The following TMEM181 variants were observed in gnomAD, a reference collection of about 807,000 sequenced individuals.
TMEM181 encodes the protein transmembrane protein 181, also known as G protein-coupled receptor 178.
TMEM181 carries 39 observed loss-of-function variants against 71.9 expected under a neutral mutation model. The ratio of observed to expected loss-of-function variants is 0.54; its 90% CI spans 0.42 to 0.71. The LOEUF is 0.71. Ranked by LOEUF, TMEM181 falls within the 30% of genes least tolerant of loss-of-function variation. The pLI is 0.00. For synonymous variants in TMEM181, 245 were observed against 228.8 expected (o/e 1.07, Z -0.64); for missense variants, 595 against 583.0 (o/e 1.02, Z -0.21).
chr6:158,597,229 C>T (rs1447998042), intron 6 of TMEM181, among the ~76,000 whole-genome samples: 2 of 152,202 alleles, frequency 1.3e-5, no homozygotes, highest in Non-Finnish European at 2.9e-5. Flanking sequence ...TCATTTGTTT[C>T]TACTTAAATG....
chr6:158,601,989 G>C (rs1292825733), intron 6 of TMEM181, among the ~76,000 whole-genome samples: 2 of 152,040 alleles, frequency 1.3e-5, no homozygotes, highest in East Asian at 3.8e-4. Flanking sequence ...AGGTATAGTT[G>C]ACACACAGTG....
In TMEM181 at chr6:158,632,007, T is replaced by C. The variant is rs1329900583; in HGVS notation, c.*119T>C. On this transcript the variant is annotated 3_prime_UTR_variant, in exon 17 of 17. Transcript: ENST00000684151. Reference sequence around the variant, plus strand: ...CAAGCAGAGATTTCCTGTTCATTTGTTTACATATTTTTTTAAAGGAAAACC... The same window carrying C: ...CAAGCAGAGATTTCCTGTTCATTTGCTTACATATTTTTTTAAAGGAAAACC... 4 of 1,037,756 alleles carry C rather than the reference T, an allele frequency of 3.9e-6. No individual in the cohort carries two copies. Among genetic ancestry groups the C allele is most frequent in the Non-Finnish European group, 5.5e-6 (4 of 721,538 alleles). 64.3% of individuals were successfully genotyped at this position (1,037,756 alleles called of 1,614,324 possible). A position where few individuals can be genotyped will look rare whatever the true frequency, so the allele number is the denominator to read the frequency against.
intron 6 of TMEM181, 143 bp downstream of exon 6, chr6:158,589,925 A>G: frequency 1.6e-6 from 1 of 636,850 alleles, no homozygotes; most frequent in African/African-American, 1.8e-5. Context: ...AATTATAGGA[A>G]AACTACAGTT....
chr6:158,579,083 A>G (rs1013674783), intron 2 of TMEM181, among the ~76,000 whole-genome samples: 1 of 151,868 alleles, frequency 6.6e-6, no homozygotes, highest in African/African-American at 2.4e-5. Flanking sequence ...ACATGGTGAA[A>G]CCCCGTCTCT....
At chr6:158,572,431 AAG>A (rs1320181059) in intron 1 of TMEM181, 29 of 456,714 alleles carry the variant, frequency 6.3e-5, no homozygotes, top group Non-Finnish European at 1.0e-4. Context: ...GAGAACACAG[AAG>A]AGAGAGCAAA....
intron 4 of TMEM181, among the ~76,000 whole-genome samples, chr6:158,585,065 A>G (rs573662879): frequency 2.6e-4 from 39 of 152,316 alleles, no homozygotes; most frequent in Non-Finnish European, 5.3e-4. Flanking sequence ...TGTGAAGTGA[A>G]ACTGATGGGT....
intron 1 of TMEM181, among the ~76,000 whole-genome samples, chr6:158,561,052 A>AG (rs1434207800): frequency 2.0e-5 from 3 of 152,088 alleles, no homozygotes; most frequent in Non-Finnish European, 4.4e-5. Context: ...CTGGCGCAGG[A>AG]GGCTTCCAGG....
chr6:158,633,831 T>A lies in TMEM181; in HGVS notation c.*1943T>A, dbSNP rs975273747. 3 of 151,410 alleles carry A rather than the reference T, an allele frequency of 2.0e-5. No homozygotes were observed. Among genetic ancestry groups the A allele is most frequent in the Non-Finnish European group, 4.4e-5 (3 of 68,010 alleles). 9.4% of individuals were successfully genotyped at this position (151,410 alleles called of 1,614,324 possible). ...TTTTTATTCTGTGTATTGAAAAAAA[T>A]TTTCTGTTACCAAATTTTACAACTT... On this transcript the variant is annotated 3_prime_UTR_variant, in exon 17 of 17. Transcript: ENST00000684151.
chr6:158,615,368 TAGATTCTGGA>T, intron 10 of TMEM181, among the ~76,000 whole-genome samples: 1 of 152,262 alleles, frequency 6.6e-6, no homozygotes, highest in South Asian at 2.1e-4. Flanking sequence ...AAGTTCTTTG[TAGATTCTGGA>T]TATTAGCCCT....
intron 1 of TMEM181, among the ~76,000 whole-genome samples, chr6:158,549,449 G>A (rs1781649764): frequency 6.6e-6 from 1 of 152,176 alleles, no homozygotes; most frequent in African/African-American, 2.4e-5. Context: ...ACTTTCAAGT[G>A]ATTCAGAATG....
At chr6:158,590,366 TG>T (rs1784037404) in intron 6 of TMEM181, among the ~76,000 whole-genome samples, 1 of 119,364 alleles carries the variant, frequency 8.4e-6, no homozygotes, top group South Asian at 2.5e-4. Context: ...AAGATACTAA[TG>T]GATACCTTCA....
chr6:158,561,147 T>C (rs547459491), intron 1 of TMEM181, among the ~76,000 whole-genome samples: 4 of 152,332 alleles, frequency 2.6e-5, no homozygotes, highest in Middle Eastern at 3.4e-3. Flanking sequence ...AGAAGGGTTT[T>C]GCTTTGGATC....
chr6:158,616,503 C>G (rs1785622070), intron 10 of TMEM181, among the ~76,000 whole-genome samples: 1 of 152,120 alleles, frequency 6.6e-6, no homozygotes, highest in Non-Finnish European at 1.5e-5. Flanking sequence ...CTGCCCGGGC[C>G]AGAACTTCCA....
intron 13 of TMEM181, 48 bp from the exon 14 acceptor site, chr6:158,628,360 G>C (rs144449300): frequency 1.3e-6 from 2 of 1,582,010 alleles, no homozygotes; most frequent in Non-Finnish European, 8.7e-7. Context: ...AGCTAGTGCC[G>C]TTTTCGTGCA....
At chr6:158,629,651 C>T (rs941838519) in intron 14 of TMEM181, 79 bp from the exon 15 acceptor site, 28 of 1,238,432 alleles carry the variant, frequency 2.3e-5, no homozygotes, top group Non-Finnish European at 2.7e-5. Context: ...CTGCTGATGG[C>T]GGGAGGAGTG....
At chr6:158,574,354 G>A (rs75622698) in intron 2 of TMEM181, among the ~76,000 whole-genome samples, 199 of 152,262 alleles carry the variant, frequency 1.3e-3, no homozygotes, top group African/African-American at 4.6e-3. Context: ...GATAATAGCA[G>A]CTGTAGCCAA....
At chr6:158,556,334 G>A (rs150440395), upstream of TMEM181, among the ~76,000 whole-genome samples, 181 of 152,256 alleles carry the variant, frequency 1.2e-3, no homozygotes, top group African/African-American at 4.0e-3. Flanking sequence ...CTTCCTTCCC[G>A]TAGTGATCCT....
At chr6:158,546,166 G>A (rs1042363260) in intron 1 of TMEM181, among the ~76,000 whole-genome samples, 6 of 152,152 alleles carry the variant, frequency 3.9e-5, no homozygotes, top group Non-Finnish European at 8.8e-5. Context: ...CTCCTGCCTC[G>A]TGGTGACAAG....
chr6:158,550,966 C>CT (rs371934475), intron 1 of TMEM181, among the ~76,000 whole-genome samples: 78,897 of 132,848 alleles, frequency 0.59, 23,570 homozygotes, highest in East Asian at 0.71. Flanking sequence ...TTATCAATTC[C>CT]TTTTTTTTTT....
Sources: allele counts gnomAD v4.1 joint callset (sites outside exome capture counted in the v4.1 genomes callset), GRCh38; gene constraint gnomAD v4.1.1; transcripts MANE v1.5; gene names NCBI Gene and HGNC (gene_info 2026-07-23, HGNC 2026-07-21).